MAP7D2: variants seen among roughly 807,000 people sequenced by gnomAD.
MAP7D2 encodes MAP7 domain containing 2.
In MAP7D2, 33 loss-of-function variants were observed where a neutral mutation model predicts 63.5. The ratio of observed to expected loss-of-function variants is 0.52; its 90% CI spans 0.39 to 0.70. The LOEUF is 0.70. MAP7D2 is among the 30% of genes least tolerant of loss of function. The pLI, the probability that MAP7D2 is intolerant of heterozygous loss-of-function variation, is 0.00. For missense variants in MAP7D2, 626 were observed against 604.0 expected, an observed-to-expected ratio of 1.04 and a Z score of -0.38; for synonymous variants, 224 against 223.7, an observed-to-expected ratio of 1.00 and a Z score of -0.01.
rs1166459480 is a variant in MAP7D2 at position 20,008,028 on chromosome X, A to G, written c.*397T>C. 1 of 112,034 alleles carries G rather than the reference A, an allele frequency of 8.9e-6. No individual in the cohort carries two copies. The highest frequency in any genetic ancestry group is 2.8e-4 in the East Asian group (1 of 3,596). 9.2% of individuals were successfully genotyped at this position (112,034 alleles called of 1,213,427 possible). The stretch of plus-strand genomic sequence containing the variant: ...TAGAGTTTGGGTAAATGTCTAGAAT[A>G]TTTTACAGGAAAAGACATCTAAATG... On this transcript the variant is annotated 3_prime_UTR_variant, in exon 17 of 17. Coordinates refer to ENST00000379643, the MANE Select transcript of MAP7D2 (RefSeq NM_001168465.2).
chrX:20,068,041 G>T (rs1477511492), intron 1 of MAP7D2, among the ~76,000 whole-genome samples: 4 of 111,912 alleles, frequency 3.6e-5, no homozygotes, highest in Admixed American at 9.5e-5. Context: ...AAGCTGTAAG[G>T]CCTCTCCTTG....
chrX:20,064,331 A>G (rs1056155335), intron 2 of MAP7D2, among the ~76,000 whole-genome samples: 1 of 112,184 alleles, frequency 8.9e-6, no homozygotes, highest in Non-Finnish European at 1.9e-5. Flanking sequence ...CCTAAAATAT[A>G]AAATGACTCA....
Position 20,085,524 on chromosome X carries a change from G to A in MAP7D2, c.131-20719C>T, listed in dbSNP as rs140506250. Among the ~76,000 whole-genome samples, 229 of 111,631 alleles carry A rather than the reference G, an allele frequency of 2.1e-3. 1 individual carries two copies. Among genetic ancestry groups the A allele is most frequent in the African/African-American group, 7.2e-3 (221 of 30,695 alleles). On this transcript the variant is annotated intron_variant, in intron 1 of 16. Transcript: ENST00000379643. ...TGTTCCCAAGGTAACCCAACATTCC[G>A]CTCATCAATATGGCACTGAGTACTT...
At chrX:20,099,543 T>C (rs1377590059) in intron 1 of MAP7D2, among the ~76,000 whole-genome samples, 3 of 111,961 alleles carry the variant, frequency 2.7e-5, no homozygotes, top group Admixed American at 9.5e-5. Context: ...CCATCCTGTG[T>C]CCAGGGGCAT....
chrX:20,101,447 T>C (rs891850482), intron 1 of MAP7D2, among the ~76,000 whole-genome samples: 7 of 112,479 alleles, frequency 6.2e-5, no homozygotes, highest in Middle Eastern at 4.6e-3. Flanking sequence ...TGATGTATCA[T>C]TTTATCTCGC....
chrX:20,007,435 C>T lies in MAP7D2; in HGVS notation c.*990G>A, dbSNP rs960797512. 6 of 112,065 alleles carry T rather than the reference C, an allele frequency of 5.4e-5. No individual in the cohort carries two copies. In the East Asian group the frequency reaches 1.7e-3, roughly 31 times the overall value. The allele number at this position is 112,065 out of a possible 1,213,427, so 9.2% of individuals were successfully genotyped here. On this transcript the variant is annotated 3_prime_UTR_variant, in exon 17 of 17. Coordinates refer to ENST00000379643, the MANE Select transcript of MAP7D2 (RefSeq NM_001168465.2). The stretch of plus-strand genomic sequence containing the variant: ...ACATTCTAGTGTCATTTTTCCCATT[C>T]AGATTTTTTCTTGAAGTCCATTAAA...
At chrX:20,034,225 CAAAAAAAAAAAAAAAA>C in intron 8 of MAP7D2, among the ~76,000 whole-genome samples, 1 of 27,209 alleles carries the variant, frequency 3.7e-5, no homozygotes, top group South Asian at 5.3e-3. Context: ...ACCCTGTCTC[CAAAAAAAAAAAAAAAA>C]AAAAAAAAAA....
intron 9 of MAP7D2, among the ~76,000 whole-genome samples, 192 bp downstream of exon 9, chrX:20,025,489 C>T (rs965909884): frequency 8.9e-6 from 1 of 111,828 alleles, no homozygotes; most frequent in Non-Finnish European, 1.9e-5. Context: ...TCTAGATTTC[C>T]TCCAGGGGAC....
intron 1 of MAP7D2, among the ~76,000 whole-genome samples, chrX:20,094,497 T>C (rs1306278271): frequency 2.1e-4 from 4 of 18,639 alleles, no homozygotes; most frequent in Admixed American, 9.6e-4. Context: ...CATATATATA[T>C]ATATATATAT....
At chrX:20,054,041 A>G (rs894366180) in intron 4 of MAP7D2, among the ~76,000 whole-genome samples, 4 of 111,383 alleles carry the variant, frequency 3.6e-5, no homozygotes, top group African/African-American at 1.3e-4. Context: ...ACAGTGTTTC[A>G]CCATGTTGGC....
At position 20,095,210 on chromosome X, in the gene MAP7D2, T is replaced by TTTTG. The variant is rs750423835; in HGVS notation, c.130+21536_130+21539dup. On this transcript the variant is annotated intron_variant, in intron 1 of 16. Transcript: ENST00000379643. Reference sequence around the variant, plus strand: ...TTATATCTCAACAATGATTTTAAGGTTTTGTTTGTTTGTTTGTTTGTTTGT... The same window carrying TTTTG: ...TTATATCTCAACAATGATTTTAAGGTTTTGTTTGTTTGTTTGTTTGTTTGTTTGT... Among the ~76,000 whole-genome samples, 500 of 111,253 alleles carry TTTTG rather than the reference T, an allele frequency of 4.5e-3. 1 individual carries two copies. The South Asian group carries it at 0.048, about 11-fold the overall frequency.
intron 1 of MAP7D2, among the ~76,000 whole-genome samples, chrX:20,094,514 A>G (rs201875336): frequency 0.067 from 666 of 9,918 alleles, 69 homozygotes; most frequent in Middle Eastern, 0.38. Flanking sequence ...ATATATATAT[A>G]TGTATATATA....
intron 1 of MAP7D2, among the ~76,000 whole-genome samples, chrX:20,067,947 C>G (rs1015108642): frequency 1.8e-5 from 2 of 112,291 alleles, no homozygotes; most frequent in African/African-American, 6.5e-5. Flanking sequence ...GCTTCCTCCT[C>G]ACACTAGTGG....
intron 8 of MAP7D2, 43 bp downstream of exon 8, chrX:20,042,459 C>T (rs747911257): frequency 1.7e-6 from 2 of 1,203,640 alleles, no homozygotes; most frequent in South Asian, 1.8e-5. Flanking sequence ...AGCAAACTGA[C>T]TCATGACAGT....
chrX:20,115,239 T>TA lies in MAP7D2; in HGVS notation c.130+1510dup, dbSNP rs748101570. Among the ~76,000 whole-genome samples the TA allele has an allele frequency of 6.4e-3, 450 of 70,044 alleles. 3 individuals carry two copies. The highest frequency in any genetic ancestry group is 0.014 in the Middle Eastern group (2 of 144). The allele number at this position is 70,044 out of a possible 115,157, so 60.8% of individuals were successfully genotyped here. A position where few individuals can be genotyped will look rare whatever the true frequency, so the allele number is the denominator to read the frequency against. ...TCCCCTTCCCCAATTTTGTTTCCAT[T>TA]AAAAAAAAAAAAAAAAAAACCCCTT... is the stretch of plus-strand genomic sequence containing the variant. On this transcript the variant is annotated intron_variant, in intron 1 of 16. Coordinates refer to ENST00000379643, the MANE Select transcript of MAP7D2 (RefSeq NM_001168465.2).
At chrX:20,098,600 C>T (rs1170606545) in intron 1 of MAP7D2, among the ~76,000 whole-genome samples, 1 of 111,126 alleles carries the variant, frequency 9.0e-6, no homozygotes, top group Non-Finnish European at 1.9e-5. Context: ...TTTCTATCAA[C>T]ATAAAGAGCT....
Position 20,007,483 on chromosome X carries a change from G to T in MAP7D2, c.*942C>A, listed in dbSNP as rs1486907699. 1.8e-5 allele frequency: 2 copies of T among 111,678 alleles called. No individual in the cohort carries two copies. Among genetic ancestry groups the T allele is most frequent in the African/African-American group, 6.5e-5 (2 of 30,599 alleles). 9.2% of individuals were successfully genotyped at this position (111,678 alleles called of 1,213,427 possible). On this transcript the variant is annotated 3_prime_UTR_variant, in exon 17 of 17. Transcript: ENST00000379643. Reference sequence around the variant, plus strand: ...AAAGTGACATACTGGGTCCAATGTGGGCCCCCTATTGTTTCAGAATGCTAT... The same window carrying T: ...AAAGTGACATACTGGGTCCAATGTGTGCCCCCTATTGTTTCAGAATGCTAT...
intron 8 of MAP7D2, among the ~76,000 whole-genome samples, chrX:20,030,577 G>A (rs2074015104): frequency 9.0e-6 from 1 of 111,501 alleles, no homozygotes; most frequent in African/African-American, 3.3e-5. Context: ...ACTGCAAAGT[G>A]GAACCCCCAA....
intron 10 of MAP7D2, among the ~76,000 whole-genome samples, chrX:20,022,557 G>A (rs2073691749): frequency 9.0e-6 from 1 of 110,646 alleles, no homozygotes; most frequent in Non-Finnish European, 1.9e-5. Context: ...GGAGGGACGG[G>A]AAGGGAAGGG....
Sources: allele counts gnomAD v4.1 joint callset (sites outside exome capture counted in the v4.1 genomes callset), GRCh38; gene constraint gnomAD v4.1.1; transcripts MANE v1.5; gene names NCBI Gene and HGNC (gene_info 2026-07-23, HGNC 2026-07-21).